CCDC7: variants seen among roughly 807,000 people sequenced by gnomAD.
CCDC7 encodes coiled-coil domain-containing protein 7.
Under a neutral mutation model 196.9 loss-of-function variants are expected in CCDC7, and 183 were observed. The ratio of observed to expected loss-of-function variants is 0.93; its 90% CI spans 0.82 to 1.05. The LOEUF (loss-of-function observed/expected upper bound fraction) is 1.05. Ranked by LOEUF, CCDC7 falls within the 50% of genes least tolerant of loss-of-function variation. The pLI is 0.00. For missense variants in CCDC7, 1,540 were observed against 1,482.2 expected (o/e 1.04, Z -0.64); for synonymous variants, 525 against 484.6 (o/e 1.08, Z -1.10).
chr10:32,482,710 C>T (rs940118068), intron 8 of CCDC7, among the ~76,000 whole-genome samples: 2 of 151,770 alleles, frequency 1.3e-5, no homozygotes, highest in African/African-American at 4.8e-5. Flanking sequence ...CATGTGTTCT[C>T]ATTGTTCAGT....
chr10:32,572,107 T>G (rs2137090959), intron 16 of CCDC7, among the ~76,000 whole-genome samples: 1 of 152,218 alleles, frequency 6.6e-6, no homozygotes, highest in South Asian at 2.1e-4. Flanking sequence ...AAATTTAAAT[T>G]AAGGACAATG....
chr10:32,561,186 A>G (rs545654984), intron 13 of CCDC7, among the ~76,000 whole-genome samples: 1 of 152,326 alleles, frequency 6.6e-6, no homozygotes, highest in East Asian at 1.9e-4. Flanking sequence ...GTGACCTAGA[A>G]AGAGACTTAG....
chr10:32,457,093 C>T (rs1043246455), intron 3 of CCDC7, among the ~76,000 whole-genome samples: 3 of 151,832 alleles, frequency 2.0e-5, no homozygotes, highest in African/African-American at 7.3e-5. Flanking sequence ...TAACTTATTT[C>T]TCCTATCTAG....
intron 23 of CCDC7, among the ~76,000 whole-genome samples, 185 bp downstream of exon 24, chr10:32,689,348 C>T (rs751048287): frequency 7.2e-5 from 11 of 152,194 alleles, no homozygotes; most frequent in Non-Finnish European, 1.5e-4. Context: ...TAGATTATTT[C>T]ATGACCACAG....
chr10:32,830,289 T>C (rs1266910070), intron 32 of CCDC7, among the ~76,000 whole-genome samples: 2 of 149,502 alleles, frequency 1.3e-5, no homozygotes, highest in African/African-American at 4.9e-5. Context: ...TAAAGAAACA[T>C]GTACACAACA....
intron 18 of CCDC7, among the ~76,000 whole-genome samples, chr10:32,634,026 T>G (rs1345487893): frequency 6.6e-6 from 1 of 152,106 alleles, no homozygotes; most frequent in Admixed American, 6.6e-5. Context: ...TTTTGTTTAT[T>G]TGCTTTCTGC....
intron 8 of CCDC7, among the ~76,000 whole-genome samples, chr10:32,485,305 A>G (rs2040823367): frequency 6.6e-6 from 1 of 152,196 alleles, no homozygotes; most frequent in South Asian, 2.1e-4. Context: ...GTATTCTCTG[A>G]CAGCAGTTTG....
intron 21 of CCDC7, among the ~76,000 whole-genome samples, chr10:32,668,541 C>G (rs1026320348): frequency 1.6e-4 from 25 of 152,034 alleles, no homozygotes; most frequent in African/African-American, 5.8e-4. Flanking sequence ...TGAGATATGT[C>G]CCATCAATAC....
chr10:32,680,476 A>T (rs2075703451), intron 21 of CCDC7, among the ~76,000 whole-genome samples: 1 of 152,050 alleles, frequency 6.6e-6, no homozygotes, highest in African/African-American at 2.4e-5. Flanking sequence ...ACATGTGCAC[A>T]ACATGCAAGT....
At chr10:32,574,143 T>C (rs2057908694) in intron 16 of CCDC7, among the ~76,000 whole-genome samples, 1 of 151,848 alleles carries the variant, frequency 6.6e-6, no homozygotes, top group Admixed American at 6.6e-5. Flanking sequence ...GAGGCAAAGA[T>C]GAAGATGTTT....
At chr10:32,833,394 C>A in intron 32 of CCDC7, among the ~76,000 whole-genome samples, 1 of 149,194 alleles carries the variant, frequency 6.7e-6, no homozygotes. Flanking sequence ...CCATGTGTAA[C>A]AGTTTCAAAA....
intron 18 of CCDC7, among the ~76,000 whole-genome samples, chr10:32,601,960 A>C (rs974898547): frequency 6.6e-6 from 1 of 152,180 alleles, no homozygotes; most frequent in African/African-American, 2.4e-5. Flanking sequence ...GGGCCAAATA[A>C]GGGAATAAAA....
intron 8 of CCDC7, among the ~76,000 whole-genome samples, chr10:32,488,708 A>T (rs984313494): frequency 2.6e-5 from 4 of 152,066 alleles, no homozygotes; most frequent in African/African-American, 9.7e-5. Context: ...TTGTTCGTGT[A>T]TTGTTTTTCT....
chr10:32,534,552 G>C (rs796973679), intron 11 of CCDC7, among the ~76,000 whole-genome samples: 8 of 152,036 alleles, frequency 5.3e-5, no homozygotes, highest in African/African-American at 1.9e-4. Flanking sequence ...TATTTGCTTA[G>C]CAAGTATTTA....
chr10:32,502,861 T>C (rs1426705821), intron 9 of CCDC7, among the ~76,000 whole-genome samples: 1 of 152,214 alleles, frequency 6.6e-6, no homozygotes, highest in Admixed American at 6.5e-5. Context: ...GTGCAAAAGA[T>C]CTTTCACTTC....
At chr10:32,813,483 C>T (rs1370196273) in intron 30 of CCDC7, among the ~76,000 whole-genome samples, 3 of 152,022 alleles carry the variant, frequency 2.0e-5, no homozygotes, top group Admixed American at 6.6e-5. Context: ...TTTTTCATAA[C>T]CAATATCTAA....
chr10:32,583,349 T>G, intron 17 of CCDC7, 42 bp downstream of exon 18: 1 of 1,142,078 alleles, frequency 8.8e-7, no homozygotes, highest in Non-Finnish European at 1.1e-6. Context: ...TATTTCATAT[T>G]GCTCCTTCAA....
At chr10:32,675,870 A>G (rs1029287887) in intron 21 of CCDC7, 6 of 152,020 alleles carry the variant, frequency 3.9e-5, no homozygotes, top group Non-Finnish European at 4.4e-5. Context: ...TCTTCACAGA[A>G]TTGGAAAAAA....
chr10:32,712,429 C>T (rs2080983499), intron 25 of CCDC7, among the ~76,000 whole-genome samples: 1 of 152,134 alleles, frequency 6.6e-6, no homozygotes, highest in Non-Finnish European at 1.5e-5. Flanking sequence ...GGTCCTTGTG[C>T]CTTTTCCAAT....
Sources: gnomAD v4.1 joint callset for allele counts (sites outside exome capture counted in the v4.1 genomes callset) on GRCh38, gnomAD v4.1.1 for gene constraint, MANE v1.5 for transcripts, NCBI Gene and HGNC (gene_info 2026-07-23, HGNC 2026-07-21) for gene names.